The following PITRM1 variants were observed in gnomAD, a reference collection of about 807,000 sequenced individuals.
The protein encoded by PITRM1 is presequence protease, mitochondrial.
In PITRM1, 100 loss-of-function variants were observed where a neutral mutation model predicts 129.9. The ratio of observed to expected loss-of-function variants is 0.77; its 90% CI spans 0.65 to 0.91. The LOEUF (loss-of-function observed/expected upper bound fraction) is 0.91, where lower values mean the gene tolerates loss of function less well. PITRM1 is among the 40% of genes least tolerant of loss of function. PITRM1 has a pLI of 0.00. For missense variants in PITRM1, 1,471 were observed against 1,318.3 expected (o/e 1.12, Z -1.79); for synonymous variants, 591 against 508.8 (o/e 1.16, Z -2.17).
rs1372770533 is a variant in PITRM1, at chr10:3,138,766, G to C, written c.2917+138C>G. 7.0e-6 allele frequency: 6 copies of C among 851,756 alleles called. No individual in the cohort carries two copies. The African/African-American group carries it at 9.9e-5, about 14-fold the overall frequency. The allele number at this position is 851,756 out of a possible 1,614,324, so 52.8% of individuals were successfully genotyped here. ...GTCAGGAAGCGTGTTTAGGGTGTCA[G>C]ACGTGGAAATCGTATCACAAGCAAG... On this transcript the variant is annotated intron_variant, in intron 25 of 26. Coordinates refer to ENST00000224949, the MANE Select transcript of PITRM1 (RefSeq NM_014889.4).
In PITRM1 at chr10:3,160,287, G is replaced by C; in HGVS notation, c.835C>G (p.Gln279Glu). ...GNFPLEQHLK[Q>E]IHEEALSKFQ... ...TTGCTCAGTGCTTCCTCGTGAATTT[G>C]TTTCAGATGCTGTTCTAATGGAAAA... The change falls in exon 8 of 27, where the codon CAA becomes GAA. Residue 279 changes from glutamine (Q) to glutamate (E), a missense_variant. Coordinates refer to ENST00000224949, the MANE Select transcript of PITRM1 (RefSeq NM_014889.4). The C allele has an allele frequency of 6.2e-7, 1 of 1,613,242 alleles. No individual in the cohort carries two copies. The highest frequency in any genetic ancestry group is 1.3e-5 in the African/African-American group (1 of 75,010).
At chr10:3,156,381 T>A (rs1184193486) in intron 13 of PITRM1, among the ~76,000 whole-genome samples, 10 of 152,186 alleles carry the variant, frequency 6.6e-5, no homozygotes, top group Admixed American at 5.9e-4. Flanking sequence ...TGAGAGAAAC[T>A]GCAGGTCAAA....
intron 23 of PITRM1, among the ~76,000 whole-genome samples, chr10:3,141,137 AGCTTT>A (rs1840153980): frequency 6.6e-6 from 1 of 152,196 alleles, no homozygotes; most frequent in Non-Finnish European, 1.5e-5. Flanking sequence ...GGCAGGGTCT[AGCTTT>A]GTTGCCCAGG....
In PITRM1 at chr10:3,143,672, C is replaced by T. The variant is rs908753985; in HGVS notation, c.2533-171G>A. 5.6e-6 allele frequency: 4 copies of T among 712,284 alleles called. No homozygotes were observed. In the African/African-American group the frequency reaches 7.0e-5, roughly 12 times the overall value. 44.1% of individuals were successfully genotyped at this position (712,284 alleles called of 1,614,324 possible). A position where few individuals can be genotyped will look rare whatever the true frequency, so the allele number is the denominator to read the frequency against. ...CTCCGTGACACTCTGCAGCCAGGTG[C>T]TGGGGCGCGAGAGCAAGGCACTGCA... On this transcript the variant is annotated intron_variant, in intron 22 of 26. Coordinates refer to ENST00000224949, the MANE Select transcript of PITRM1 (RefSeq NM_014889.4).
In PITRM1 at chr10:3,172,713, T is replaced by C. The variant is rs1311308288; in HGVS notation, c.56+4A>G. On this transcript the variant is annotated splice_donor_region_variant and intron_variant, in intron 1 of 26. Coordinates refer to ENST00000224949, the MANE Select transcript of PITRM1 (RefSeq NM_014889.4). Reference sequence around the variant, plus strand: ...GCCGAGCGCCTCCCGTCGCAGCGTCTCACCCGCCGCTCAGCCGCCTCAGCA... The same window carrying C: ...GCCGAGCGCCTCCCGTCGCAGCGTCCCACCCGCCGCTCAGCCGCCTCAGCA... 6.5e-7 allele frequency: 1 copy of C among 1,538,244 alleles called. No individual in the cohort carries two copies. The highest frequency in any genetic ancestry group is 1.2e-5 in the South Asian group (1 of 83,192).
intron 2 of PITRM1, among the ~76,000 whole-genome samples, chr10:3,169,728 G>A (rs142408469): frequency 2.6e-4 from 40 of 152,328 alleles, no homozygotes; most frequent in African/African-American, 8.4e-4. Context: ...TTCTGCGGAC[G>A]TTTAGAGCAA....
At chr10:3,154,242 A>G (rs550677035) in intron 14 of PITRM1, among the ~76,000 whole-genome samples, 7 of 152,154 alleles carry the variant, frequency 4.6e-5, no homozygotes, top group South Asian at 2.1e-4. Flanking sequence ...ATTTCTTTGT[A>G]AGGATGTATA....
intron 23 of PITRM1, chr10:3,141,534 C>A: frequency 1.1e-5 from 3 of 285,094 alleles, no homozygotes; most frequent in South Asian, 3.1e-5. Context: ...TCTGATAAAG[C>A]ACATTTCTAG....
chr10:3,154,514 A>G (rs979003252), intron 14 of PITRM1, among the ~76,000 whole-genome samples: 1 of 152,188 alleles, frequency 6.6e-6, no homozygotes, highest in Non-Finnish European at 1.5e-5. Context: ...GTATAATTGT[A>G]TATCACTGTA....
intron 23 of PITRM1, chr10:3,141,719 T>C: frequency 8.6e-6 from 4 of 465,710 alleles, no homozygotes; most frequent in Non-Finnish European, 1.8e-5. Context: ...GGTCGCCGCT[T>C]CCACAGACAG....
intron 2 of PITRM1, 111 bp downstream of exon 2, chr10:3,169,993 G>A (rs1843201719): frequency 4.2e-6 from 3 of 707,070 alleles, no homozygotes; most frequent in Non-Finnish European, 2.4e-6. Context: ...AGGGCCTTGG[G>A]ACACAAGGAC....
intron 20 of PITRM1, 43 bp downstream of exon 20, chr10:3,147,107 T>C: frequency 9.3e-7 from 1 of 1,079,082 alleles, no homozygotes. Flanking sequence ...CTATACTTAA[T>C]AGAATGAATC....
At position 3,160,855 on chromosome 10, in the gene PITRM1, G is replaced by C. The variant is rs550864304; in HGVS notation, c.792-525C>G. Among the ~76,000 whole-genome samples, 11 of 152,152 alleles carry C rather than the reference G, an allele frequency of 7.2e-5. No homozygotes were observed. In the East Asian group the frequency reaches 2.1e-3, roughly 29 times the overall value. ...AGCTCACTGCAACCTCCGACTCCCA[G>C]GTTTAAAAGATTCTCCTGCCTCAGC... On this transcript the variant is annotated intron_variant, in intron 7 of 26. Coordinates refer to ENST00000224949, the MANE Select transcript of PITRM1 (RefSeq NM_014889.4).
In PITRM1 at chr10:3,137,954, G is replaced by T; in HGVS notation, c.*77C>A. 1.2e-6 allele frequency: 1 copy of T among 845,326 alleles called. No homozygotes were observed. The allele number at this position is 845,326 out of a possible 1,614,324, so 52.4% of individuals were successfully genotyped here. On this transcript the variant is annotated 3_prime_UTR_variant, in exon 27 of 27. Coordinates refer to ENST00000224949, the MANE Select transcript of PITRM1 (RefSeq NM_014889.4). Reference sequence around the variant, plus strand: ...TGACATAATATTCTTGGAAAAAGCAGTAGCATTTCTGACTTTTCATATTCA... The same window carrying T: ...TGACATAATATTCTTGGAAAAAGCATTAGCATTTCTGACTTTTCATATTCA...
At position 3,138,243 on chromosome 10, in the gene PITRM1, C is replaced by G. The variant is rs992125442; in HGVS notation, c.3012G>C (p.Val1004=). 7.4e-6 allele frequency: 12 copies of G among 1,612,800 alleles called. No individual in the cohort carries two copies. Among genetic ancestry groups the G allele is most frequent in the Middle Eastern group, 1.6e-4 (1 of 6,084 alleles). The change falls in exon 26 of 27, where the codon GTG becomes GTC. Residue 1004 remains valine (V), a synonymous_variant. Transcript: ENST00000224949. ...FAVSHDKLLA[V]SDRYLGTGKS... ...CCCCGCTCCCCACTCACCTATCGCT[C>G]ACGGCCAGGAGCTTGTCGTGGCTGA... is the stretch of plus-strand genomic sequence containing the variant.
intron 14 of PITRM1, among the ~76,000 whole-genome samples, chr10:3,152,640 A>T (rs1841618320): frequency 6.6e-6 from 1 of 152,220 alleles, no homozygotes; most frequent in African/African-American, 2.4e-5. Context: ...CGGAGCTCAG[A>T]CCTGGGCTCT....
At chr10:3,140,981 C>T (rs925826722) in intron 23 of PITRM1, among the ~76,000 whole-genome samples, 169 bp from the exon 24 acceptor site, 4 of 152,226 alleles carry the variant, frequency 2.6e-5, no homozygotes, top group East Asian at 1.9e-4. Context: ...CTCGCTCTGT[C>T]GCCAGGCTGG....
At chr10:3,141,229 C>T (rs976702067) in intron 23 of PITRM1, among the ~76,000 whole-genome samples, 1 of 152,134 alleles carries the variant, frequency 6.6e-6, no homozygotes, top group African/African-American at 2.4e-5. Flanking sequence ...ATTTTCTTTT[C>T]AATTAACCAA....
chr10:3,164,796 T>A (rs1242563099), intron 6 of PITRM1, among the ~76,000 whole-genome samples: 1 of 152,226 alleles, frequency 6.6e-6, no homozygotes, highest in Non-Finnish European at 1.5e-5. Context: ...AAAAACTGAT[T>A]AGAGTGGTGC....
Sources: gnomAD v4.1 joint callset for allele counts (sites outside exome capture counted in the v4.1 genomes callset) on GRCh38, gnomAD v4.1.1 for gene constraint, MANE v1.5 for transcripts, NCBI Gene and HGNC (gene_info 2026-07-23, HGNC 2026-07-21) for gene names.